Variants in FBXW11 observed in about 807,000 individuals in gnomAD.
FBXW11 encodes the protein F-box and WD repeat domain containing 11.
In FBXW11, 19 loss-of-function variants were observed where a neutral mutation model predicts 77.6. That is an observed-to-expected ratio of 0.24 (90% CI 0.17 to 0.36). The LOEUF (loss-of-function observed/expected upper bound fraction) is 0.36. Among genes scored for constraint, FBXW11 ranks in the 10% least tolerant of loss-of-function variants. The pLI, the probability that FBXW11 is intolerant of heterozygous loss-of-function variation, is 1.00. For missense variants in FBXW11, 334 were observed against 704.2 expected (o/e 0.47, Z 5.95); for synonymous variants, 235 against 249.4 (o/e 0.94, Z 0.54).
intron 7 of FBXW11, among the ~76,000 whole-genome samples, chr5:171,882,980 C>A (rs904680485): frequency 3.3e-5 from 5 of 151,466 alleles, no homozygotes; most frequent in Admixed American, 6.6e-5. Flanking sequence ...ATGCATCATT[C>A]TTATGCATTT....
chr5:171,882,617 TA>T (rs1758594623), intron 7 of FBXW11, among the ~76,000 whole-genome samples: 1 of 152,296 alleles, frequency 6.6e-6, no homozygotes, highest in African/African-American at 2.4e-5. Context: ...AAAATATTTT[TA>T]AAATTTCTCT....
chr5:171,944,625 A>T (rs1436819483), intron 2 of FBXW11, among the ~76,000 whole-genome samples: 1 of 151,592 alleles, frequency 6.6e-6, no homozygotes, highest in African/African-American at 2.4e-5. Context: ...AAAAATATTA[A>T]GAATGGTACT....
intron 2 of FBXW11, among the ~76,000 whole-genome samples, chr5:171,950,322 A>C (rs537934057): frequency 3.6e-4 from 55 of 152,172 alleles, no homozygotes; most frequent in African/African-American, 1.3e-3. Context: ...AAAATAAAGC[A>C]CTGTTCACTT....
At chr5:171,935,209 G>A (rs559097192) in intron 2 of FBXW11, among the ~76,000 whole-genome samples, 7 of 152,080 alleles carry the variant, frequency 4.6e-5, no homozygotes, top group East Asian at 1.9e-4. Flanking sequence ...TGCCCACCTC[G>A]GCCTCCCAAA....
At chr5:171,983,628 G>T (rs988787291) in intron 1 of FBXW11, among the ~76,000 whole-genome samples, 1 of 152,142 alleles carries the variant, frequency 6.6e-6, no homozygotes, top group African/African-American at 2.4e-5. Context: ...ACTAGTGGTG[G>T]AGAGAAACCC....
intron 3 of FBXW11, among the ~76,000 whole-genome samples, chr5:171,912,287 G>C (rs1013039913): frequency 6.6e-6 from 1 of 152,166 alleles, no homozygotes; most frequent in Non-Finnish European, 1.5e-5. Flanking sequence ...TTCTTCCCTT[G>C]TATCTTGGGT....
intron 1 of FBXW11, among the ~76,000 whole-genome samples, chr5:171,978,057 A>G (rs1764934823): frequency 1.3e-5 from 2 of 152,138 alleles, no homozygotes; most frequent in South Asian, 2.1e-4. Context: ...GCTCAACTCT[A>G]AAGGACAAGC....
At chr5:171,946,141 C>T (rs892267276) in intron 2 of FBXW11, among the ~76,000 whole-genome samples, 7 of 152,176 alleles carry the variant, frequency 4.6e-5, no homozygotes, top group African/African-American at 1.7e-4. Flanking sequence ...AATTTTGCCT[C>T]CAGGCTGCAA....
At chr5:171,956,174 C>T (rs999019467) in intron 2 of FBXW11, among the ~76,000 whole-genome samples, 1 of 152,150 alleles carries the variant, frequency 6.6e-6, no homozygotes, top group Non-Finnish European at 1.5e-5. Flanking sequence ...CAAAAATACA[C>T]CTATTATAAT....
intron 13 of FBXW11, among the ~76,000 whole-genome samples, chr5:171,865,273 AAAGTAT>A (rs1403595792): frequency 1.3e-5 from 2 of 151,974 alleles, no homozygotes; most frequent in African/African-American, 4.8e-5. Flanking sequence ...CCTAGAACTT[AAAGTAT>A]AATTAAAAAA....
intron 1 of FBXW11, among the ~76,000 whole-genome samples, chr5:171,987,206 TA>T (rs1765495048): frequency 6.6e-6 from 1 of 152,320 alleles, no homozygotes; most frequent in African/African-American, 2.4e-5. Context: ...CCTAACGGGA[TA>T]AAGTTCAAGA....
At chr5:172,001,072 A>G (rs1766384437) in intron 1 of FBXW11, among the ~76,000 whole-genome samples, 1 of 152,198 alleles carries the variant, frequency 6.6e-6, no homozygotes, top group African/African-American at 2.4e-5. Flanking sequence ...TGGATGTCCT[A>G]TAAACAACAC....
intron 2 of FBXW11, among the ~76,000 whole-genome samples, chr5:171,942,345 G>GA (rs1279616480): frequency 1.3e-5 from 2 of 151,602 alleles, no homozygotes; most frequent in African/African-American, 4.9e-5. Context: ...CACTTCTTTA[G>GA]TTTTTTTCAG....
At chr5:171,971,599 A>G (rs964607149) in intron 1 of FBXW11, among the ~76,000 whole-genome samples, 2 of 152,016 alleles carry the variant, frequency 1.3e-5, no homozygotes, top group African/African-American at 2.4e-5. Flanking sequence ...ACCAGCAGCA[A>G]AAGTCATTAC....
chr5:171,937,230 C>T (rs1762525814), intron 2 of FBXW11, among the ~76,000 whole-genome samples: 1 of 152,148 alleles, frequency 6.6e-6, no homozygotes, highest in African/African-American at 2.4e-5. Flanking sequence ...CAAAAGCAAA[C>T]TTACATGAGT....
At chr5:171,970,588 A>G (rs1481521878) in intron 1 of FBXW11, among the ~76,000 whole-genome samples, 1 of 152,226 alleles carries the variant, frequency 6.6e-6, no homozygotes, top group Non-Finnish European at 1.5e-5. Context: ...ATTTATTTTC[A>G]AAGACTTAAC....
At chr5:171,997,527 A>G (rs1385756167) in intron 1 of FBXW11, among the ~76,000 whole-genome samples, 2 of 152,254 alleles carry the variant, frequency 1.3e-5, no homozygotes, top group African/African-American at 2.4e-5. Flanking sequence ...TTTGCTACAT[A>G]TAAGACATCA....
In FBXW11 at chr5:172,005,789, G is replaced by C. The variant is rs189483289; in HGVS notation, c.45+669C>G. Among the ~76,000 whole-genome samples the C allele has an allele frequency of 5.5e-3, 834 of 152,302 alleles. 4 individuals carry two copies. Among genetic ancestry groups the C allele is most frequent in the Middle Eastern group, 0.01 (3 of 294 alleles). ...TCTTTCCTGGAGGATGGAATCCAGA[G>C]TACCTGGGCCCTTGCTATGCAAACA... is the stretch of plus-strand genomic sequence containing the variant. On this transcript the variant is annotated intron_variant, in intron 1 of 13. Transcript: ENST00000517395.
At chr5:171,979,883 G>A (rs915952796) in intron 1 of FBXW11, among the ~76,000 whole-genome samples, 1 of 152,178 alleles carries the variant, frequency 6.6e-6, no homozygotes, top group Non-Finnish European at 1.5e-5. Context: ...CTACTGCCGT[G>A]TCCAGTTTCA....
Sources: gnomAD v4.1 joint callset for allele counts (sites outside exome capture counted in the v4.1 genomes callset) on GRCh38, gnomAD v4.1.1 for gene constraint, MANE v1.5 for transcripts, NCBI Gene and HGNC (gene_info 2026-07-23, HGNC 2026-07-21) for gene names.